Variants in IKZF2 observed in about 807,000 individuals in gnomAD.
The protein encoded by IKZF2 is zinc finger protein Helios.
IKZF2 carries 15 observed loss-of-function variants against 49.2 expected under a neutral mutation model. The observed-to-expected ratio is 0.30, with a 90% CI of 0.20 to 0.47. The LOEUF is 0.47. Among genes scored for constraint, IKZF2 ranks in the 20% least tolerant of loss-of-function variants. The pLI is 1.00. For missense variants in IKZF2, 567 were observed against 664.6 expected, an observed-to-expected ratio of 0.85 and a Z score of 1.61; for synonymous variants, 227 against 221.4, an observed-to-expected ratio of 1.03 and a Z score of -0.23.
At chr2:213,012,671 G>GT (rs2125045506) in intron 8 of IKZF2, among the ~76,000 whole-genome samples, 1 of 151,952 alleles carries the variant, frequency 6.6e-6, no homozygotes, top group African/African-American at 2.4e-5. Flanking sequence ...CCTCCAGCTA[G>GT]TCTTAGAGTG....
intron 4 of IKZF2, among the ~76,000 whole-genome samples, chr2:213,125,800 C>A: frequency 6.6e-6 from 1 of 151,838 alleles, no homozygotes; most frequent in East Asian, 1.9e-4. Flanking sequence ...GTATTATATG[C>A]ACCCAAGAAC....
rs147323855 is a variant in IKZF2, at chr2:213,151,567, A to T, written c.-274T>A. 1,632 of 152,524 alleles carry T rather than the reference A, an allele frequency of 0.011. 17 individuals carry two copies. Among genetic ancestry groups the T allele is most frequent in the South Asian group, 0.038 (184 of 4,818 alleles). 9.4% of individuals were successfully genotyped at this position (152,524 alleles called of 1,614,324 possible). On this transcript the variant is annotated 5_prime_UTR_variant, in exon 1 of 9. The change creates a premature stop within an existing upstream ORF in the 5' untranslated region. Coordinates refer to ENST00000434687, the MANE Select transcript of IKZF2 (RefSeq NM_001387220.1). ...AGGCAGTGGATCTGTAGCTAAGGGT[A>T]ATCCTGTTTTTACTTCCTCCATCTT...
intron 8 of IKZF2, among the ~76,000 whole-genome samples, chr2:213,012,140 CA>C (rs1266215732): frequency 6.6e-6 from 1 of 151,876 alleles, no homozygotes; most frequent in Non-Finnish European, 1.5e-5. Context: ...AGAACAATAA[CA>C]GAAGTAGTTA....
At chr2:213,008,107 AG>A (rs1385679856) in intron 8 of IKZF2, 23 bp from the exon 9 acceptor site, 5 of 1,513,400 alleles carry the variant, frequency 3.3e-6, no homozygotes, top group African/African-American at 3.0e-5. Context: ...GGGAGGTGAA[AG>A]AAGTAAAAAA....
At chr2:213,094,095 G>A (rs576082752) in intron 4 of IKZF2, among the ~76,000 whole-genome samples, 1 of 152,258 alleles carries the variant, frequency 6.6e-6, no homozygotes, top group East Asian at 1.9e-4. Context: ...TGTGGGAAAA[G>A]GTAAACCTGA....
chr2:213,030,894 C>T (rs974866218), intron 6 of IKZF2, among the ~76,000 whole-genome samples: 1 of 150,554 alleles, frequency 6.6e-6, no homozygotes, highest in Non-Finnish European at 1.5e-5. Context: ...GGTGCCACCT[C>T]GGATCACTGC....
At chr2:213,057,191 G>A (rs1163943432) in intron 4 of IKZF2, 92 bp from the exon 5 acceptor site, 6 of 1,079,664 alleles carry the variant, frequency 5.6e-6, no homozygotes, top group Non-Finnish European at 7.9e-6. Context: ...CTACTAAATG[G>A]ATGAAAATGA....
At chr2:213,086,292 C>G (rs1322041205) in intron 4 of IKZF2, among the ~76,000 whole-genome samples, 1 of 152,186 alleles carries the variant, frequency 6.6e-6, no homozygotes, top group East Asian at 1.9e-4. Flanking sequence ...AGTTCATATC[C>G]TGCAAATACC....
intron 6 of IKZF2, among the ~76,000 whole-genome samples, chr2:213,048,183 A>G (rs1700347645): frequency 6.6e-6 from 1 of 152,126 alleles, no homozygotes; most frequent in Admixed American, 6.6e-5. Flanking sequence ...CAATTTGAAT[A>G]TATCTATTTA....
intron 6 of IKZF2, among the ~76,000 whole-genome samples, chr2:213,040,204 C>T (rs1699481564): frequency 6.8e-6 from 1 of 147,474 alleles, no homozygotes; most frequent in African/African-American, 2.5e-5. Context: ...TTCAGAGGTA[C>T]ATGTGCAGGT....
At chr2:213,100,833 C>T (rs181334439) in intron 4 of IKZF2, among the ~76,000 whole-genome samples, 1 of 152,172 alleles carries the variant, frequency 6.6e-6, no homozygotes, top group Admixed American at 6.5e-5. Flanking sequence ...ATAAATCCAA[C>T]AAACTCAATA....
chr2:213,112,029 T>C (rs1559288782), intron 4 of IKZF2, among the ~76,000 whole-genome samples: 1 of 152,078 alleles, frequency 6.6e-6, no homozygotes, highest in African/African-American at 2.4e-5. Flanking sequence ...CTTAAAGCAA[T>C]AAAAAATTAC....
intron 4 of IKZF2, among the ~76,000 whole-genome samples, chr2:213,095,658 T>C (rs190007329): frequency 2.6e-5 from 4 of 152,216 alleles, no homozygotes; most frequent in African/African-American, 7.2e-5. Context: ...TTCAAATTTT[T>C]TAAATCTAGT....
At position 212,999,764 on chromosome 2, in the gene IKZF2, T is replaced by TA. The variant is rs1276443759; in HGVS notation, c.*7595dup. 2 of 152,412 alleles carry TA rather than the reference T, an allele frequency of 1.3e-5. No individual in the cohort carries two copies. The highest frequency in any genetic ancestry group is 4.8e-5 in the African/African-American group (2 of 41,450). 9.4% of individuals were successfully genotyped at this position (152,412 alleles called of 1,614,324 possible). On this transcript the variant is annotated 3_prime_UTR_variant, in exon 9 of 9. Coordinates refer to ENST00000434687, the MANE Select transcript of IKZF2 (RefSeq NM_001387220.1). ...AATATACAGAATTAAAAACTGCACT[T>TA]ACACTTCTGAGAAGAAATAAATCTT...
Position 213,006,213 on chromosome 2 carries a change from G to A in IKZF2, c.*1147C>T, listed in dbSNP as rs1192928441. 1 of 152,094 alleles carries A rather than the reference G, an allele frequency of 6.6e-6. No homozygotes were observed. The highest frequency in any genetic ancestry group is 2.1e-4 in the South Asian group (1 of 4,822). The allele number at this position is 152,094 out of a possible 1,614,324, so 9.4% of individuals were successfully genotyped here. On this transcript the variant is annotated 3_prime_UTR_variant, in exon 9 of 9. Transcript: ENST00000434687. ...TGAGGAGATTTTGAAAGAAACAGCC[G>A]ACAGGAAGACTTTTAAGACCTTCTA...
intron 4 of IKZF2, among the ~76,000 whole-genome samples, chr2:213,060,903 T>A (rs140697539): frequency 6.6e-6 from 1 of 151,684 alleles, no homozygotes; most frequent in Non-Finnish European, 1.5e-5. Context: ...TGGTCAAGTT[T>A]ATGTAGAAAA....
At chr2:213,144,253 A>G (rs2060970446) in intron 4 of IKZF2, among the ~76,000 whole-genome samples, 1 of 151,960 alleles carries the variant, frequency 6.6e-6, no homozygotes, top group Non-Finnish European at 1.5e-5. Context: ...TTGACTGTAC[A>G]GTTGATCCAC....
chr2:213,140,035 A>G (rs552523757), intron 4 of IKZF2, among the ~76,000 whole-genome samples: 2 of 152,060 alleles, frequency 1.3e-5, no homozygotes, highest in Non-Finnish European at 2.9e-5. Context: ...TTTGAGCCCC[A>G]GCACCAGCAA....
chr2:213,068,912 A>AACACACACACACAC (rs3069572), intron 4 of IKZF2, among the ~76,000 whole-genome samples: 176 of 147,292 alleles, frequency 1.2e-3, no homozygotes, highest in African/African-American at 2.8e-3. Context: ...GGAGGGAGAA[A>AACACACACACACAC]ACACACACAC....
Sources: allele counts gnomAD v4.1 joint callset (sites outside exome capture counted in the v4.1 genomes callset), GRCh38; gene constraint gnomAD v4.1.1; transcripts MANE v1.5; gene names NCBI Gene and HGNC (gene_info 2026-07-23, HGNC 2026-07-21).